APBA2: variants seen among roughly 807,000 people sequenced by gnomAD.
APBA2 encodes amyloid-beta A4 precursor protein-binding family A member 2.
Under a neutral mutation model 75.0 loss-of-function variants are expected in APBA2, and 30 were observed. The ratio of observed to expected loss-of-function variants is 0.40; its 90% CI spans 0.30 to 0.54. APBA2 has a LOEUF of 0.54. Among genes scored for constraint, APBA2 ranks in the 20% least tolerant of loss-of-function variants. The probability of loss-of-function intolerance (pLI) is 0.49; values close to 1 mark genes in which losing one functional copy is unlikely to be tolerated. For synonymous variants in APBA2, 444 were observed against 409.6 expected, an observed-to-expected ratio of 1.08 and a Z score of -1.01; for missense variants, 801 against 1,016.1, an observed-to-expected ratio of 0.79 and a Z score of 2.88.
rs555190235 is a variant in APBA2 at position 29,111,651 on chromosome 15, G to A, written c.2038-2225G>A. 2.0e-5 allele frequency among the ~76,000 whole-genome samples: 3 copies of A among 152,216 alleles called. No homozygotes were observed. The South Asian group carries it at 6.2e-4, about 32-fold the overall frequency. On this transcript the variant is annotated intron_variant, in intron 13 of 14. Transcript: ENST00000683413. ...CACCCTCTGCACCTGCTCCATGAGT[G>A]CCCGTGGTCATGGTGGGGGTTGAGG...
At position 29,054,473 on chromosome 15, in the gene APBA2, T is replaced by G; in HGVS notation, c.589T>G (p.Tyr197Asp). 6.2e-7 allele frequency: 1 copy of G among 1,614,036 alleles called. No homozygotes were observed. The highest frequency in any genetic ancestry group is 1.1e-5 in the South Asian group (1 of 91,066). ...CAGCAAAGAGGGCTACCAGGACTAC[T>G]ACCCCGAGGAGGCCAACGGGAACAC... ...CASKEGYQDY[Y>D]PEEANGNTGA... The change falls in exon 4 of 15, where the codon TAC (tyrosine) becomes GAC (aspartate). Residue 197 changes from tyrosine to aspartate, a missense_variant. Physicochemically the swap from Tyr to Asp is radical, Grantham distance 160. This residue lies in a region of APBA2 where 434 missense variants were observed against 471.6 expected (regional missense o/e 0.92). Coordinates refer to ENST00000683413, the MANE Select transcript of APBA2 (RefSeq NM_001353788.2). This position sits in a 1 kb window ranked among gnomAD's most constrained non-coding sequence, Gnocchi z 6.1.
chr15:28,941,501 G>GC (rs2035220720), intron 2 of APBA2, among the ~76,000 whole-genome samples: 1 of 91,720 alleles, frequency 1.1e-5, no homozygotes, highest in African/African-American at 5.3e-5. Context: ...AACTTGGGAG[G>GC]CAAAAAAAAA....
At chr15:29,062,859 G>C (rs1480409849) in intron 4 of APBA2, among the ~76,000 whole-genome samples, 1 of 152,154 alleles carries the variant, frequency 6.6e-6, no homozygotes, top group Non-Finnish European at 1.5e-5. Flanking sequence ...GAACATTCTG[G>C]ATGGGCCACC....
chr15:28,974,287 C>G (rs1436956847), intron 2 of APBA2, among the ~76,000 whole-genome samples: 1 of 152,208 alleles, frequency 6.6e-6, no homozygotes, highest in Non-Finnish European at 1.5e-5. Context: ...AGAAGATACA[C>G]TAGGTGTGGT....
intron 2 of APBA2, among the ~76,000 whole-genome samples, chr15:28,975,613 C>G (rs2037293843): frequency 6.6e-6 from 1 of 151,828 alleles, no homozygotes; most frequent in Non-Finnish European, 1.5e-5. Flanking sequence ...AATCCAAAAG[C>G]AATGTAAAAA....
At chr15:28,899,022 C>T (rs2032680824) in intron 1 of APBA2, among the ~76,000 whole-genome samples, 1 of 152,222 alleles carries the variant, frequency 6.6e-6, no homozygotes, top group Non-Finnish European at 1.5e-5. Context: ...GAAAACTAGA[C>T]ACAAGTAACC....
intron 14 of APBA2, among the ~76,000 whole-genome samples, chr15:29,116,621 C>CCGT (rs1389539269): frequency 6.8e-6 from 1 of 147,576 alleles, no homozygotes; most frequent in Non-Finnish European, 1.5e-5. Flanking sequence ...GAGCAAGACT[C>CCGT]CGTCTCAAAA....
chr15:28,917,847 C>G, intron 1 of APBA2, among the ~76,000 whole-genome samples: 1 of 152,292 alleles, frequency 6.6e-6, no homozygotes, highest in Admixed American at 6.5e-5. Flanking sequence ...TTTTGCACCC[C>G]GGCTTACTGT....
Position 29,113,944 on chromosome 15 carries a change from G to A in APBA2, c.2106G>A (p.Glu702=), listed in dbSNP as rs1449101571. Residue 702 remains glutamate, a synonymous_variant, in exon 14 of 15, where the codon GAG becomes GAA. Transcript: ENST00000683413. ...TCCGTGTGGGCCACCGCATCATCGAGATCAACGGGCAGAGCGTGGTGGCCA... is the reference window on the plus strand; with the variant it reads ...TCCGTGTGGGCCACCGCATCATCGAAATCAACGGGCAGAGCGTGGTGGCCA... ...GGVRVGHRII[E]INGQSVVATA... The A allele has an allele frequency of 1.2e-6, 2 of 1,613,660 alleles. No individual in the cohort carries two copies. Among genetic ancestry groups the A allele is most frequent in the South Asian group, 1.1e-5 (1 of 91,092 alleles).
chr15:28,900,978 A>T (rs904315965), intron 1 of APBA2, among the ~76,000 whole-genome samples: 1 of 152,146 alleles, frequency 6.6e-6, no homozygotes, highest in Non-Finnish European at 1.5e-5. Context: ...CAGCACCTGG[A>T]ACTCGGTAGC....
chr15:28,908,013 TC>T (rs1172410672), intron 1 of APBA2, among the ~76,000 whole-genome samples: 1 of 152,256 alleles, frequency 6.6e-6, no homozygotes, highest in Non-Finnish European at 1.5e-5. Flanking sequence ...GAAAATATCC[TC>T]TTACGCATTT....
chr15:29,038,066 C>T (rs571053827), intron 3 of APBA2, among the ~76,000 whole-genome samples: 22 of 152,346 alleles, frequency 1.4e-4, no homozygotes, highest in Non-Finnish European at 3.1e-4. Flanking sequence ...ACCCTGGGCC[C>T]AGTCCACTCT....
At chr15:28,975,045 A>G (rs1028719035) in intron 2 of APBA2, among the ~76,000 whole-genome samples, 3 of 152,204 alleles carry the variant, frequency 2.0e-5, no homozygotes, top group Non-Finnish European at 4.4e-5. Context: ...ACAACACAGA[A>G]TAAGAAATGA....
At chr15:29,095,508 A>T (rs545787809) in intron 8 of APBA2, among the ~76,000 whole-genome samples, 1 of 152,220 alleles carries the variant, frequency 6.6e-6, no homozygotes, top group Admixed American at 6.5e-5. Flanking sequence ...AGCTTTTCCA[A>T]TCCTCCTCAT....
chr15:29,100,280 C>T (rs189011757), intron 9 of APBA2, among the ~76,000 whole-genome samples: 173 of 152,346 alleles, frequency 1.1e-3, no homozygotes, highest in African/African-American at 4.0e-3. Flanking sequence ...CAGTGTCCCT[C>T]CCTGGAAGGT....
chr15:29,054,902 GC>G lies in APBA2; in HGVS notation c.951+69del. 2.0e-6 allele frequency: 3 copies of G among 1,479,926 alleles called. No individual in the cohort carries two copies. The South Asian group carries it at 3.6e-5, about 18-fold the overall frequency. 91.7% of individuals were successfully genotyped at this position (1,479,926 alleles called of 1,614,324 possible). A position where few individuals can be genotyped will look rare whatever the true frequency, so the allele number is the denominator to read the frequency against. ...GAGAGCAAGGGACCTCAGGGTACAG[GC>G]CTTGCAGATGCTGAAGCGAGGCGGT... On this transcript the variant is annotated intron_variant, in intron 4 of 14. Coordinates refer to ENST00000683413, the MANE Select transcript of APBA2 (RefSeq NM_001353788.2). The surrounding 1 kb of genome is among the most constrained non-coding windows in gnomAD (Gnocchi z 6.1).
intron 13 of APBA2, among the ~76,000 whole-genome samples, chr15:29,113,602 G>A (rs1430338582): frequency 2.6e-5 from 4 of 152,210 alleles, no homozygotes; most frequent in Non-Finnish European, 5.9e-5. Flanking sequence ...TGACCACAAA[G>A]GGAGCGGCCC....
In APBA2 at chr15:29,117,362, C is replaced by CAAGTA. The variant is rs1555419081; in HGVS notation, c.*230_*234dup. 1 of 592,096 alleles carries CAAGTA rather than the reference C, an allele frequency of 1.7e-6. No homozygotes were observed. Among genetic ancestry groups the CAAGTA allele is most frequent in the Non-Finnish European group, 3.0e-6 (1 of 331,704 alleles). 36.7% of individuals were successfully genotyped at this position (592,096 alleles called of 1,614,324 possible). A position where few individuals can be genotyped will look rare whatever the true frequency, so the allele number is the denominator to read the frequency against. ...ACAAATGTTTGTTTGTAAAGCGTTC[C>CAAGTA]AAGTATTTTGCCACGTTCTGGACTG... On this transcript the variant is annotated 3_prime_UTR_variant, in exon 15 of 15. Transcript: ENST00000683413.
In APBA2 at chr15:28,918,489, C is replaced by T. The variant is rs1030012297; in HGVS notation, c.-204-3151C>T. ...GGAGAGGTGAAGCAGATGGCTTCCC[C>T]CACTGCAAGGAGGAATCCCGGTGCT... On this transcript the variant is annotated intron_variant, in intron 1 of 14. Transcript: ENST00000683413. This position sits in a 1 kb window ranked among gnomAD's most constrained non-coding sequence, Gnocchi z 4.2. 2.0e-5 allele frequency among the ~76,000 whole-genome samples: 3 copies of T among 152,224 alleles called. No individual in the cohort carries two copies. Among genetic ancestry groups the T allele is most frequent in the African/African-American group, 7.2e-5 (3 of 41,458 alleles).
Sources: allele counts gnomAD v4.1 joint callset (sites outside exome capture counted in the v4.1 genomes callset), GRCh38; gene constraint gnomAD v4.1.1; regional missense constraint gnomAD v4.1.1; non-coding constraint Gnocchi (gnomAD v3.1); transcripts MANE v1.5; gene names NCBI Gene and HGNC (gene_info 2026-07-23, HGNC 2026-07-21).